NDUFAF7: variants seen among roughly 807,000 people sequenced by gnomAD.
NDUFAF7 encodes the protein protein arginine methyltransferase NDUFAF7, mitochondrial.
Under a neutral mutation model 47.2 loss-of-function variants are expected in NDUFAF7, and 48 were observed. That is an observed-to-expected ratio of 1.02 (90% CI 0.81 to 1.29). The LOEUF is 1.29. NDUFAF7 is among the 50% of genes most tolerant of loss of function. The probability of loss-of-function intolerance (pLI) is 0.00; values close to 1 mark genes in which losing one functional copy is unlikely to be tolerated. For missense variants in NDUFAF7, 635 were observed against 537.6 expected, an observed-to-expected ratio of 1.18 and a Z score of -1.79; for synonymous variants, 217 against 190.0, an observed-to-expected ratio of 1.14 and a Z score of -1.17.
rs765913655 is a variant in NDUFAF7 at position 37,241,679 on chromosome 2, TA to T, written c.513del (p.Glu172ArgfsTer5). On this transcript the variant is annotated frameshift_variant, in exon 5 of 10. Coordinates refer to ENST00000002125, the MANE Select transcript of NDUFAF7 (RefSeq NM_144736.5). LOFTEE classifies it high-confidence loss of function. ...GTGAGATTCAAGCATTGACACTGAC[TA>T]AAGAGAAGGTCCCGTTAGAGCGAAA... ...LSEIQALTLT[K>X]EKVPLERNAG... is the part of the protein sequence containing the mutation. The T allele has an allele frequency of 6.2e-7, 1 of 1,614,052 alleles. No homozygotes were observed. The highest frequency in any genetic ancestry group is 1.1e-5 in the South Asian group (1 of 91,068).
intron 6 of NDUFAF7, among the ~76,000 whole-genome samples, chr2:37,242,922 GAAGT>G (rs1666503835): frequency 6.6e-6 from 1 of 152,128 alleles, no homozygotes; most frequent in African/African-American, 2.4e-5. Flanking sequence ...CTGATTTGAA[GAAGT>G]AAGGGAATGA....
At chr2:37,266,260 ACT>A in the NDUFAF7 span, among the ~76,000 whole-genome samples, 1 of 152,190 alleles carries the variant, frequency 6.6e-6, no homozygotes. Context: ...CTTCAAGGAA[ACT>A]CAAGTTCAGA....
chr2:37,256,636 T>TAA (rs1558522225), downstream of NDUFAF7: 10 of 844,914 alleles, frequency 1.2e-5, no homozygotes, highest in South Asian at 1.4e-4. Flanking sequence ...AAATTTTTTT[T>TAA]TTTTTTTTTT....
chr2:37,251,792 C>T (rs952546900), downstream of NDUFAF7: 4 of 151,938 alleles, frequency 2.6e-5, no homozygotes, highest in African/African-American at 7.3e-5. Context: ...ACAGACCTGC[C>T]ATCTGTCCAG....
chr2:37,256,760 C>T (rs753762347), downstream of NDUFAF7: 1 of 1,611,776 alleles, frequency 6.2e-7, no homozygotes, highest in Non-Finnish European at 8.5e-7. Flanking sequence ...AGGAAATGTG[C>T]CACTGAGGCT....
intron 5 of NDUFAF7, chr2:37,242,198 T>C (rs1666422408): frequency 3.9e-6 from 1 of 256,480 alleles, no homozygotes. Context: ...TGGGGGAAAA[T>C]CCCTGTACTA....
chr2:37,261,349 T>TGGTG, the NDUFAF7 span, among the ~76,000 whole-genome samples: 9 of 151,856 alleles, frequency 5.9e-5, no homozygotes, highest in African/African-American at 1.9e-4. Context: ...TAACCAGGTG[T>TGGTG]GGTGACAGGT....
rs748193705 is a variant in NDUFAF7, at chr2:37,237,874, A to G, written c.408+7A>G. On this transcript the variant is annotated splice_region_variant and intron_variant, in intron 4 of 9. Transcript: ENST00000002125. ...CGTGGGAGATATTTTGAGGGTAGGT[A>G]ATAAAAGAATGTCTTCTAGTCTCAT... 6.4e-7 allele frequency: 1 copy of G among 1,563,574 alleles called. No homozygotes were observed. The highest frequency in any genetic ancestry group is 1.1e-5 in the South Asian group (1 of 89,828).
chr2:37,249,825 A>G (rs573794997), downstream of NDUFAF7, among the ~76,000 whole-genome samples: 7 of 152,132 alleles, frequency 4.6e-5, no homozygotes. Context: ...AAGGGAGATT[A>G]AAGGGAAAGA....
intron 7 of NDUFAF7, among the ~76,000 whole-genome samples, chr2:37,244,899 C>T (rs1666744276): frequency 1.4e-5 from 2 of 148,034 alleles, no homozygotes; most frequent in South Asian, 4.3e-4. Flanking sequence ...TAGTTCTTGA[C>T]CTAATTAGTA....
chr2:37,268,367 A>C, the NDUFAF7 span: 2 of 470,874 alleles, frequency 4.2e-6, no homozygotes, highest in Non-Finnish European at 8.8e-6. Flanking sequence ...CTTAAAACTG[A>C]CAAATCTGAA....
intron 7 of NDUFAF7, among the ~76,000 whole-genome samples, chr2:37,245,826 G>T (rs183408168): frequency 2.0e-5 from 3 of 152,304 alleles, no homozygotes; most frequent in Admixed American, 2.0e-4. Context: ...TTATAAAAGA[G>T]ATTAAAATGT....
At chr2:37,236,001 A>G (rs1040457491) in intron 2 of NDUFAF7, 95 bp from the exon 3 acceptor site, 11 of 1,077,614 alleles carry the variant, frequency 1.0e-5, no homozygotes, top group Non-Finnish European at 1.4e-5. Flanking sequence ...CTAAATAATT[A>G]TTTCACTTTT....
At chr2:37,268,053 C>A in the NDUFAF7 span, 3 of 194,564 alleles carry the variant, frequency 1.5e-5, no homozygotes, top group South Asian at 8.3e-5. Flanking sequence ...ACAGTCATTC[C>A]CTCATTTATT....
chr2:37,258,588 CTT>C, the NDUFAF7 span, among the ~76,000 whole-genome samples: 7 of 152,272 alleles, frequency 4.6e-5, no homozygotes, highest in African/African-American at 1.7e-4. Flanking sequence ...GAGTGTGCAT[CTT>C]TTGTCTACTA....
chr2:37,268,641 CCA>C, the NDUFAF7 span: 6 of 236,148 alleles, frequency 2.5e-5, no homozygotes, highest in South Asian at 1.5e-4. Flanking sequence ...CAAGAAATTT[CCA>C]CAGAGAAAGC....
At chr2:37,251,616 C>CT (rs919742276), downstream of NDUFAF7, 497 of 144,326 alleles carry the variant, frequency 3.4e-3, 6 homozygotes, top group East Asian at 0.065. Context: ...CCAGAACATT[C>CT]TTTTTTTTTT....
At chr2:37,256,683 A>G (rs773647940), downstream of NDUFAF7, 2 of 1,283,868 alleles carry the variant, frequency 1.6e-6, no homozygotes, top group Admixed American at 2.3e-5. Context: ...ATTTCTCTCC[A>G]TGGATTTGGT....
intron 7 of NDUFAF7, 71 bp downstream of exon 7, chr2:37,244,044 A>G: frequency 1.5e-6 from 2 of 1,306,048 alleles, no homozygotes; most frequent in Non-Finnish European, 2.2e-6. Flanking sequence ...CTGAGTTACT[A>G]CTTTAGAGTT....
Sources: allele counts gnomAD v4.1 joint callset (sites outside exome capture counted in the v4.1 genomes callset), GRCh38; gene constraint gnomAD v4.1.1; transcripts MANE v1.5; gene names NCBI Gene and HGNC (gene_info 2026-07-23, HGNC 2026-07-21).